SEPTIN14: variants seen among roughly 807,000 people sequenced by gnomAD.
SEPTIN14 encodes the protein septin-14.
Under a neutral mutation model 53.6 loss-of-function variants are expected in SEPTIN14, and 40 were observed. The ratio of observed to expected loss-of-function variants is 0.75; its 90% CI spans 0.58 to 0.97. The LOEUF is 0.97. Among genes scored for constraint, SEPTIN14 ranks in the 50% least tolerant of loss-of-function variants. SEPTIN14 has a pLI of 0.00. For synonymous variants in SEPTIN14, 138 were observed against 166.8 expected, an observed-to-expected ratio of 0.83 and a Z score of 1.33; for missense variants, 471 against 508.2, an observed-to-expected ratio of 0.93 and a Z score of 0.70.
chr7:55,830,337 A>ATTT (rs1789080931), intron 6 of SEPTIN14, among the ~76,000 whole-genome samples: 1 of 35,328 alleles, frequency 2.8e-5, no homozygotes, highest in Admixed American at 2.5e-4. Flanking sequence ...ATATATATAT[A>ATTT]TATATATATA....
chr7:55,855,463 C>A (rs983479243), intron 2 of SEPTIN14, among the ~76,000 whole-genome samples: 1 of 152,192 alleles, frequency 6.6e-6, no homozygotes, highest in African/African-American at 2.4e-5. Context: ...GAGAAGAGTT[C>A]TAAAGCAAGG....
chr7:55,804,505 C>A (rs1297843331), intron 9 of SEPTIN14, among the ~76,000 whole-genome samples: 14 of 152,070 alleles, frequency 9.2e-5, no homozygotes, highest in Admixed American at 8.5e-4. Context: ...GGGATCCGCC[C>A]GCCTCCATCT....
At chr7:55,815,523 A>G (rs1014207627) in intron 7 of SEPTIN14, among the ~76,000 whole-genome samples, 1 of 152,196 alleles carries the variant, frequency 6.6e-6, no homozygotes, top group African/African-American at 2.4e-5. Flanking sequence ...CTTATTGATA[A>G]TAACTGTTTT....
intron 7 of SEPTIN14, among the ~76,000 whole-genome samples, chr7:55,813,755 A>G (rs778606205): frequency 2.0e-5 from 3 of 152,148 alleles, no homozygotes; most frequent in Non-Finnish European, 4.4e-5. Context: ...GAAGCCCCCA[A>G]TTCCAGGCCC....
intron 5 of SEPTIN14, among the ~76,000 whole-genome samples, chr7:55,836,433 C>T (rs938536531): frequency 4.6e-5 from 7 of 151,970 alleles, no homozygotes; most frequent in Non-Finnish European, 7.4e-5. Flanking sequence ...GCTCAAAACA[C>T]GTTTTTTAAA....
intron 2 of SEPTIN14, among the ~76,000 whole-genome samples, chr7:55,856,740 T>G (rs73132820): frequency 0.18 from 26,785 of 152,132 alleles, 3,073 homozygotes; most frequent in East Asian, 0.26. Context: ...ACACCTAGGT[T>G]GATTCCATGT....
intron 2 of SEPTIN14, among the ~76,000 whole-genome samples, chr7:55,859,809 C>T (rs1408947322): frequency 6.6e-6 from 1 of 152,074 alleles, no homozygotes; most frequent in Admixed American, 6.6e-5. Flanking sequence ...CTGTATTCAC[C>T]ACAGCAAAAA....
rs577764979 is a variant in SEPTIN14 at position 55,807,807 on chromosome 7, C to T, written c.818-549G>A. Among the ~76,000 whole-genome samples the T allele has an allele frequency of 1.8e-3, 267 of 151,976 alleles. 3 individuals are homozygous for T. In the South Asian group the frequency reaches 0.028, roughly 16 times the overall value. On this transcript the variant is annotated intron_variant, in intron 7 of 9. Coordinates refer to ENST00000388975, the MANE Select transcript of SEPTIN14 (RefSeq NM_207366.3). The stretch of plus-strand genomic sequence containing the variant: ...TACATACAGACTGACAGTGAAGACA[C>T]GGAAAGATATTTCATGCAATTAGAA...
chr7:55,803,780 A>C (rs1788562406), intron 9 of SEPTIN14, among the ~76,000 whole-genome samples: 1 of 152,018 alleles, frequency 6.6e-6, no homozygotes, highest in South Asian at 2.1e-4. Context: ...GGAGAGAAAG[A>C]GAAAATTTAA....
chr7:55,831,227 T>C (rs530777154), intron 6 of SEPTIN14, among the ~76,000 whole-genome samples: 1 of 151,936 alleles, frequency 6.6e-6, no homozygotes, highest in East Asian at 1.9e-4. Flanking sequence ...ATTAATGGAA[T>C]GGAATAAAGA....
intron 6 of SEPTIN14, among the ~76,000 whole-genome samples, chr7:55,827,513 G>A (rs1789011501): frequency 6.6e-6 from 1 of 152,218 alleles, no homozygotes; most frequent in African/African-American, 2.4e-5. Flanking sequence ...AGGAGGTAGA[G>A]CTGGTACAGC....
chr7:55,802,056 G>C lies in SEPTIN14; in HGVS notation c.1119+3202C>G, dbSNP rs553377117. Among the ~76,000 whole-genome samples the C allele has an allele frequency of 4.0e-5, 6 of 150,858 alleles. No individual in the cohort carries two copies. In the South Asian group the frequency reaches 1.3e-3, roughly 32 times the overall value. On this transcript the variant is annotated intron_variant, in intron 9 of 9. Transcript: ENST00000388975. ...GCTCTGTCTCCAAGGCTGGAGTGCA[G>C]TGCAGTGGTGCGATCTCAGCTCACT...
intron 2 of SEPTIN14, among the ~76,000 whole-genome samples, chr7:55,853,660 A>G (rs1562720835): frequency 6.6e-6 from 1 of 152,222 alleles, no homozygotes; most frequent in Non-Finnish European, 1.5e-5. Context: ...TTTTAGAAGA[A>G]TGAAGAGTAC....
intron 2 of SEPTIN14, among the ~76,000 whole-genome samples, chr7:55,860,602 G>A (rs997201367): frequency 6.6e-6 from 1 of 152,136 alleles, no homozygotes; most frequent in African/African-American, 2.4e-5. Context: ...ACCCTGACTT[G>A]ATTATTATGT....
chr7:55,856,401 T>G (rs1024553688), intron 2 of SEPTIN14, among the ~76,000 whole-genome samples: 6 of 151,642 alleles, frequency 4.0e-5, no homozygotes, highest in South Asian at 4.2e-4. Flanking sequence ...ACTTTTTCGT[T>G]TTTTTTTTGA....
intron 2 of SEPTIN14, among the ~76,000 whole-genome samples, chr7:55,859,138 C>G (rs1023503113): frequency 6.7e-6 from 1 of 148,860 alleles, no homozygotes; most frequent in Non-Finnish European, 1.5e-5. Flanking sequence ...TTAACAAGAG[C>G]GAAACTCCAT....
At chr7:55,845,824 C>T (rs762209234) in intron 3 of SEPTIN14, among the ~76,000 whole-genome samples, 10 of 150,438 alleles carry the variant, frequency 6.6e-5, no homozygotes, top group Non-Finnish European at 1.2e-4. Context: ...CTGAGGCGGG[C>T]GGATCACGAG....
In SEPTIN14 at chr7:55,830,349, A is replaced by ATAT. The variant is rs71015108; in HGVS notation, c.720+4075_720+4076insATA. On this transcript the variant is annotated intron_variant, in intron 6 of 9. Transcript: ENST00000388975. The stretch of plus-strand genomic sequence containing the variant: ...TATATATATATATATATATATATAT[A>ATAT]TTTTTTTTTTTTTTTGAGACGGAGT... Among the ~76,000 whole-genome samples, 68 of 56,842 alleles carry ATAT rather than the reference A, an allele frequency of 1.2e-3. 1 individual carries two copies. Among genetic ancestry groups the ATAT allele is most frequent in the African/African-American group, 1.9e-3 (19 of 9,946 alleles). The allele number at this position is 56,842 out of a possible 152,430, so 37.3% of individuals were successfully genotyped here. A position where few individuals can be genotyped will look rare whatever the true frequency, so the allele number is the denominator to read the frequency against.
intron 7 of SEPTIN14, among the ~76,000 whole-genome samples, chr7:55,817,476 A>G (rs4495377): frequency 7.0e-6 from 1 of 143,764 alleles, no homozygotes; most frequent in Non-Finnish European, 1.5e-5. Context: ...ATATATATAT[A>G]TTTTTTTTTT....
Sources: allele counts gnomAD v4.1 joint callset (sites outside exome capture counted in the v4.1 genomes callset), GRCh38; gene constraint gnomAD v4.1.1; transcripts MANE v1.5; gene names NCBI Gene and HGNC (gene_info 2026-07-23, HGNC 2026-07-21).